The following RHOBTB3 variants were observed in gnomAD, a reference collection of about 807,000 sequenced individuals.
The protein encoded by RHOBTB3 is rho-related BTB domain-containing protein 3.
In RHOBTB3, 47 loss-of-function variants were observed where a neutral mutation model predicts 67.2. That is an observed-to-expected ratio of 0.70 (90% CI 0.55 to 0.89). RHOBTB3 has a LOEUF of 0.89. RHOBTB3 is among the 40% of genes least tolerant of loss of function. The pLI is 0.00. For synonymous variants in RHOBTB3, 273 were observed against 274.2 expected (o/e 1.00, Z 0.04); for missense variants, 631 against 750.0 (o/e 0.84, Z 1.85).
chr5:95,755,426 C>G lies in RHOBTB3; in HGVS notation c.713C>G (p.Ser238Ter). ...ATGCCTGTCTTAAAGGCTGAAGCGT[C>G]ACATTATAACTCTGACTTAAATAAC... ...EKMPVLKAEASHYNSDLNNLL... is the reference protein window; with the variant it reads ...EKMPVLKAEA The change falls in exon 6 of 12, where the codon TCA becomes TGA. Residue 238 changes from serine to a stop codon, truncating the protein, a stop_gained. Transcript: ENST00000379982. LOFTEE classifies it high-confidence loss of function. 1 of 1,578,796 alleles carries G rather than the reference C, an allele frequency of 6.3e-7. No individual in the cohort carries two copies. Among genetic ancestry groups the G allele is most frequent in the Non-Finnish European group, 8.6e-7 (1 of 1,164,464 alleles).
rs113244386 is a variant in RHOBTB3, at chr5:95,794,488, G to A, written c.*1314G>A. On this transcript the variant is annotated 3_prime_UTR_variant, in exon 12 of 12. Coordinates refer to ENST00000379982, the MANE Select transcript of RHOBTB3 (RefSeq NM_014899.4). Reference sequence around the variant, plus strand: ...TACACAGTAAGTTCAAAGAAAGGATGTAAGTCAAAGACTTGTTACATAGAG... The same window carrying A: ...TACACAGTAAGTTCAAAGAAAGGATATAAGTCAAAGACTTGTTACATAGAG... 3,783 of 157,778 alleles carry A rather than the reference G, an allele frequency of 0.024. 55 individuals carry two copies. Among genetic ancestry groups the A allele is most frequent in the Middle Eastern group, 0.037 (11 of 296 alleles). 9.8% of individuals were successfully genotyped at this position (157,778 alleles called of 1,614,324 possible).
At chr5:95,721,452 G>A (rs1315286945) in intron 1 of RHOBTB3, among the ~76,000 whole-genome samples, 1 of 152,176 alleles carries the variant, frequency 6.6e-6, no homozygotes, top group Non-Finnish European at 1.5e-5. Context: ...AACAGAATGG[G>A]CCTTGTCGGA....
In RHOBTB3 at chr5:95,746,925, G is replaced by T. The variant is rs946544663; in HGVS notation, c.416-1408G>T. 2.0e-5 allele frequency among the ~76,000 whole-genome samples: 3 copies of T among 152,144 alleles called. No homozygotes were observed. In the South Asian group the frequency reaches 6.2e-4, roughly 31 times the overall value. ...TGCATATGCACTAAATATATTTAGCGTATACCCGATATTTACATATATCTG... is the reference window on the plus strand; with the variant it reads ...TGCATATGCACTAAATATATTTAGCTTATACCCGATATTTACATATATCTG... On this transcript the variant is annotated intron_variant, in intron 3 of 11. Transcript: ENST00000379982.
intron 3 of RHOBTB3, among the ~76,000 whole-genome samples, 156 bp downstream of exon 3, chr5:95,737,231 A>G (rs1021742111): frequency 3.9e-5 from 6 of 152,210 alleles, no homozygotes; most frequent in African/African-American, 1.4e-4. Context: ...TTGATACGAT[A>G]AAAAAACAAC....
chr5:95,728,674 AC>A (rs1208843315), upstream of RHOBTB3, among the ~76,000 whole-genome samples: 3 of 152,186 alleles, frequency 2.0e-5, no homozygotes, highest in Non-Finnish European at 4.4e-5. Context: ...AGGGGTCTGA[AC>A]CAGAATGACT....
chr5:95,733,435 A>G (rs1183288128), intron 2 of RHOBTB3, among the ~76,000 whole-genome samples: 1 of 152,224 alleles, frequency 6.6e-6, no homozygotes, highest in Non-Finnish European at 1.5e-5. Flanking sequence ...AAAACTAGCT[A>G]CATTAGGATG....
chr5:95,770,564 C>T (rs1217129152), intron 8 of RHOBTB3: 2 of 404,220 alleles, frequency 4.9e-6, no homozygotes, highest in Non-Finnish European at 5.0e-6. Flanking sequence ...ATCATTGGCC[C>T]AACGAAGGAT....
Position 95,755,542 on chromosome 5 carries a change from G to T in RHOBTB3, c.829G>T (p.Val277Leu). 6.2e-7 allele frequency: 1 copy of T among 1,614,150 alleles called. No homozygotes were observed. The highest frequency in any genetic ancestry group is 8.5e-7 in the Non-Finnish European group (1 of 1,180,024). The change falls in exon 6 of 12, where the codon GTA becomes TTA. Residue 277 changes from valine to leucine, a missense_variant. Transcript: ENST00000379982. The part of the protein sequence containing the change: ...VEAHKIVLCA[V>L]SHVFMLLFNV... ...GGCCCACAAGATCGTTCTCTGCGCT[G>T]TAAGCCATGTTTTCATGCTGCTTTT...
At chr5:95,782,183 T>A (rs1746069099) in intron 9 of RHOBTB3, 1 of 152,196 alleles carries the variant, frequency 6.6e-6, no homozygotes, top group African/African-American at 2.4e-5. Flanking sequence ...AATCTGTGCA[T>A]TGGGAAGATC....
chr5:95,782,829 AAAAAAG>A (rs1396572840), intron 9 of RHOBTB3: 9 of 150,620 alleles, frequency 6.0e-5, no homozygotes, highest in South Asian at 2.1e-4. Context: ...AAAAAAAAAA[AAAAAAG>A]GTTAAAATGG....
intron 9 of RHOBTB3, chr5:95,782,707 G>A (rs1017328843): frequency 1.3e-5 from 2 of 151,912 alleles, no homozygotes; most frequent in African/African-American, 2.4e-5. Flanking sequence ...CTCCTCAGGA[G>A]GCTGAGGCAG....
At chr5:95,748,556 T>C (rs1187557785) in intron 4 of RHOBTB3, 69 bp downstream of exon 4, 1 of 1,225,636 alleles carries the variant, frequency 8.2e-7, no homozygotes, top group Non-Finnish European at 1.1e-6. Flanking sequence ...TTGTAGAACA[T>C]CAGTTAGAAC....
chr5:95,774,492 G>A (rs953459364), intron 8 of RHOBTB3, among the ~76,000 whole-genome samples: 1 of 152,112 alleles, frequency 6.6e-6, no homozygotes, highest in Non-Finnish European at 1.5e-5. Context: ...TACTGTAGGT[G>A]TAAATTTAGG....
intron 10 of RHOBTB3, 105 bp from the exon 11 acceptor site, chr5:95,788,657 A>T: frequency 1.4e-6 from 1 of 711,330 alleles, no homozygotes; most frequent in Non-Finnish European, 2.4e-6. Flanking sequence ...GGCACATTAA[A>T]CATGAATATG....
rs1438076063 is a variant in RHOBTB3 at position 95,748,335 on chromosome 5, G to T, written c.418G>T (p.Glu140Ter). The T allele has an allele frequency of 6.3e-7, 1 of 1,590,128 alleles. No individual in the cohort carries two copies. Among genetic ancestry groups the T allele is most frequent in the Non-Finnish European group, 8.5e-7 (1 of 1,170,206 alleles). The change falls in exon 4 of 12, where the codon GAG becomes TAG. Residue 140 changes from glutamate (E) to a stop codon, truncating the protein, a stop_gained and splice_region_variant. Coordinates refer to ENST00000379982, the MANE Select transcript of RHOBTB3 (RefSeq NM_014899.4). LOFTEE classifies it high-confidence loss of function. ...TGTTTTAAAATTTGTTTTCTCAGAA[G>T]AGTTACCTTGTACATGCCCACTATG... Reference protein sequence around the residue: ...IAAVGTRQNEELPCTCPLCTS... With the variant: ...IAAVGTRQNE
chr5:95,785,218 C>T (rs1746186861), intron 10 of RHOBTB3, among the ~76,000 whole-genome samples: 1 of 152,172 alleles, frequency 6.6e-6, no homozygotes. Flanking sequence ...CTACTATCTC[C>T]TTAACTATTT....
intron 9 of RHOBTB3, 142 bp from the exon 10 acceptor site, chr5:95,783,655 C>A: frequency 3.9e-6 from 2 of 511,680 alleles, no homozygotes; most frequent in Non-Finnish European, 6.5e-6. Context: ...TCCCTCGAGG[C>A]TTTTCCTAAC....
At position 95,735,358 on chromosome 5, in the gene RHOBTB3, T is replaced by G. The variant is rs191475048; in HGVS notation, c.229-1531T>G. Reference sequence around the variant, plus strand: ...ATGACAAAAAATTCTGCAGTTCTTGTTACTCTGAGTGTACTTGTGGGAAAT... The same window carrying G: ...ATGACAAAAAATTCTGCAGTTCTTGGTACTCTGAGTGTACTTGTGGGAAAT... On this transcript the variant is annotated intron_variant, in intron 2 of 11. Transcript: ENST00000379982. Among the ~76,000 whole-genome samples, 20 of 152,200 alleles carry G rather than the reference T, an allele frequency of 1.3e-4. No individual in the cohort carries two copies. In the East Asian group the frequency reaches 3.7e-3, roughly 28 times the overall value.
chr5:95,768,811 A>C (rs1275721047), intron 8 of RHOBTB3, among the ~76,000 whole-genome samples: 1 of 152,176 alleles, frequency 6.6e-6, no homozygotes, highest in Non-Finnish European at 1.5e-5. Flanking sequence ...ACTGGCTTGG[A>C]TAATTTTGTC....
Sources: gnomAD v4.1 joint callset for allele counts (sites outside exome capture counted in the v4.1 genomes callset) on GRCh38, gnomAD v4.1.1 for gene constraint, MANE v1.5 for transcripts, NCBI Gene and HGNC (gene_info 2026-07-23, HGNC 2026-07-21) for gene names.